The following ADGRG6 variants were observed in gnomAD, a reference collection of about 807,000 sequenced individuals.
The protein encoded by ADGRG6 is adhesion G protein-coupled receptor G6, also known as G-protein coupled receptor 126.
In ADGRG6, 84 loss-of-function variants were observed where a neutral mutation model predicts 142.4. The observed-to-expected ratio is 0.59, with a 90% CI of 0.49 to 0.71. The LOEUF is 0.71. Among genes scored for constraint, ADGRG6 ranks in the 30% least tolerant of loss-of-function variants. ADGRG6 has a pLI of 0.00. For missense variants in ADGRG6, 1,367 were observed against 1,466.6 expected (o/e 0.93, Z 1.11); for synonymous variants, 521 against 520.5 (o/e 1.00, Z -0.01).
chr6:142,323,971 C>T (rs926071566), intron 2 of ADGRG6, among the ~76,000 whole-genome samples: 2 of 151,952 alleles, frequency 1.3e-5, no homozygotes, highest in Admixed American at 6.6e-5. Flanking sequence ...TCTCATAGAC[C>T]TCTAGCAATC....
intron 2 of ADGRG6, among the ~76,000 whole-genome samples, chr6:142,360,654 T>C (rs1466323554): frequency 6.6e-6 from 1 of 152,142 alleles, no homozygotes; most frequent in Non-Finnish European, 1.5e-5. Context: ...TCTTTTCTTT[T>C]ATTTATTTAT....
chr6:142,408,226 T>C lies in ADGRG6; in HGVS notation c.2345T>C (p.Leu782Pro). Reference protein sequence around the residue: ...CSIGNITIQNLKDPVQIKIKH... With the variant: ...CSIGNITIQNPKDPVQIKIKH... Reference sequence around the variant, plus strand: ...ATTGGAAACATTACTATCCAGAATCTGAAGGATCCTGTTCAAATAAAAATC... The same window carrying C: ...ATTGGAAACATTACTATCCAGAATCCGAAGGATCCTGTTCAAATAAAAATC... The change falls in exon 16 of 25, where the codon CTG (leucine) becomes CCG (proline). Residue 782 changes from leucine to proline, a missense_variant. By Grantham distance (98) the Leu-to-Pro change is moderately conservative. Transcript: ENST00000367609. 1 of 1,580,988 alleles carries C rather than the reference T, an allele frequency of 6.3e-7. No individual in the cohort carries two copies. The highest frequency in any genetic ancestry group is 8.6e-7 in the Non-Finnish European group (1 of 1,160,018).
chr6:142,415,170 G>A, intron 19 of ADGRG6, 74 bp downstream of exon 19: 1 of 1,235,268 alleles, frequency 8.1e-7, no homozygotes, highest in Non-Finnish European at 1.1e-6. Context: ...CCTCGGCTTT[G>A]AAAAACATTT....
chr6:142,356,572 C>T (rs1769853120), intron 2 of ADGRG6, among the ~76,000 whole-genome samples: 1 of 152,256 alleles, frequency 6.6e-6, no homozygotes, highest in African/African-American at 2.4e-5. Context: ...CTTAGTGAAG[C>T]ATCATATGTC....
intron 22 of ADGRG6, among the ~76,000 whole-genome samples, chr6:142,427,835 A>G (rs1289005348): frequency 6.6e-6 from 1 of 152,166 alleles, no homozygotes; most frequent in African/African-American, 2.4e-5. Context: ...TCCCATTTTT[A>G]AAATCATCAG....
At chr6:142,342,219 T>A (rs1408477121) in intron 2 of ADGRG6, among the ~76,000 whole-genome samples, 2 of 151,934 alleles carry the variant, frequency 1.3e-5, no homozygotes, top group Admixed American at 6.6e-5. Flanking sequence ...AAAAAAATTC[T>A]CCAGAGAGAG....
At chr6:142,389,981 A>T (rs1485671264) in intron 6 of ADGRG6, among the ~76,000 whole-genome samples, 1 of 151,888 alleles carries the variant, frequency 6.6e-6, no homozygotes, top group East Asian at 1.9e-4. Flanking sequence ...AAATCTATAG[A>T]ATTAAAAATA....
intron 2 of ADGRG6, among the ~76,000 whole-genome samples, chr6:142,324,621 T>G (rs1030738341): frequency 1.3e-5 from 2 of 152,076 alleles, no homozygotes; most frequent in Admixed American, 6.6e-5. Flanking sequence ...AATTATCAGG[T>G]ATGTGTGTAC....
At chr6:142,357,388 T>C (rs1170804975) in intron 2 of ADGRG6, among the ~76,000 whole-genome samples, 1 of 152,154 alleles carries the variant, frequency 6.6e-6, no homozygotes, top group Non-Finnish European at 1.5e-5. Context: ...TTAAACAAGC[T>C]GTTCATGTAA....
intron 2 of ADGRG6, among the ~76,000 whole-genome samples, chr6:142,358,060 T>G (rs1484170723): frequency 6.6e-6 from 1 of 152,236 alleles, no homozygotes; most frequent in Non-Finnish European, 1.5e-5. Context: ...ATGTGCTGTT[T>G]AGCCAGTAAT....
intron 4 of ADGRG6, among the ~76,000 whole-genome samples, chr6:142,381,532 T>G (rs1781769631): frequency 6.6e-6 from 1 of 152,234 alleles, no homozygotes; most frequent in African/African-American, 2.4e-5. Context: ...ACAAATAGCA[T>G]ATGCTAGGAT....
chr6:142,367,980 A>G (rs1781036387), intron 3 of ADGRG6, 70 bp downstream of exon 3: 3 of 818,662 alleles, frequency 3.7e-6, no homozygotes, highest in South Asian at 1.6e-5. Flanking sequence ...CACAAGGACC[A>G]GAAGACAGAG....
intron 22 of ADGRG6, among the ~76,000 whole-genome samples, chr6:142,431,201 C>G (rs17694823): frequency 0.011 from 1,668 of 151,964 alleles, 14 homozygotes; most frequent in Non-Finnish European, 0.018. Flanking sequence ...GATTAGGAAT[C>G]TGCTCATTTA....
At chr6:142,382,141 A>G in intron 5 of ADGRG6, 122 bp downstream of exon 5, 1 of 647,622 alleles carries the variant, frequency 1.5e-6, no homozygotes, top group Non-Finnish European at 2.8e-6. Context: ...AAACAGCAAA[A>G]CAGAAGAATT....
rs767841904 is a variant in ADGRG6 at position 142,416,029 on chromosome 6, G to A, written c.2903G>A (p.Arg968His). 1.7e-5 allele frequency: 27 copies of A among 1,612,512 alleles called. No homozygotes were observed. The highest frequency in any genetic ancestry group is 8.0e-5 in the African/African-American group (6 of 74,794). ...GTTAAAGTATTTAACACTTACATTC[G>A]CCGATACATTCTAAAATTCTGCATC... Reference protein sequence around the residue: ...ALVKVFNTYIRRYILKFCIIG... With the variant: ...ALVKVFNTYIHRYILKFCIIG... The change falls in exon 20 of 25, where the codon CGC becomes CAC. Residue 968 changes from arginine (R) to histidine (H), a missense_variant. Arg to His is a conservative substitution (Grantham distance 29). Around this residue, in one of 3 missense-constraint regions of ADGRG6, gnomAD observed 344 missense variants for 348.7 expected, o/e 0.99. Transcript: ENST00000367609.
At chr6:142,437,001 A>G (rs1777517632) in intron 22 of ADGRG6, among the ~76,000 whole-genome samples, 1 of 152,242 alleles carries the variant, frequency 6.6e-6, no homozygotes. Context: ...CATATGTAAA[A>G]TAGCTCAGAA....
At chr6:142,341,373 TTATATA>T (rs935339222) in intron 2 of ADGRG6, among the ~76,000 whole-genome samples, 4 of 126,902 alleles carry the variant, frequency 3.2e-5, no homozygotes, top group African/African-American at 1.2e-4. Context: ...AGAATATATA[TTATATA>T]TATACTATAT....
intron 15 of ADGRG6, among the ~76,000 whole-genome samples, chr6:142,406,190 G>GT (rs3079341): frequency 0.021 from 3,138 of 148,148 alleles, 107 homozygotes; most frequent in African/African-American, 0.065. Flanking sequence ...AAAGGAAAGG[G>GT]TTTTTTTTTT....
chr6:142,427,073 A>G (rs996687712), intron 22 of ADGRG6, among the ~76,000 whole-genome samples: 2 of 152,156 alleles, frequency 1.3e-5, no homozygotes, highest in Non-Finnish European at 2.9e-5. Flanking sequence ...CATTGTCTTG[A>G]TGTTTAACAT....
Sources: allele counts gnomAD v4.1 joint callset (sites outside exome capture counted in the v4.1 genomes callset), GRCh38; gene constraint gnomAD v4.1.1; regional missense constraint gnomAD v4.1.1; transcripts MANE v1.5; gene names NCBI Gene and HGNC (gene_info 2026-07-23, HGNC 2026-07-21).